The following ZNF804B variants were observed in gnomAD, a reference collection of about 807,000 sequenced individuals.
ZNF804B encodes zinc finger 804B.
ZNF804B carries 80 observed loss-of-function variants against 101.4 expected under a neutral mutation model. The observed-to-expected ratio is 0.79, with a 90% CI of 0.66 to 0.95. The LOEUF (loss-of-function observed/expected upper bound fraction) is 0.95. Ranked by LOEUF, ZNF804B falls within the 40% of genes least tolerant of loss-of-function variation. The probability of loss-of-function intolerance (pLI) is 0.00; values close to 1 mark genes in which losing one functional copy is unlikely to be tolerated. For synonymous variants in ZNF804B, 622 were observed against 558.8 expected (o/e 1.11, Z -1.59); for missense variants, 1,673 against 1,561.9 (o/e 1.07, Z -1.20).
chr7:88,897,848 G>C (rs191567559), intron 1 of ZNF804B, among the ~76,000 whole-genome samples: 407 of 151,322 alleles, frequency 2.7e-3, no homozygotes, highest in African/African-American at 9.4e-3. Flanking sequence ...TTAGTTAACA[G>C]CTTGGGGGAA....
At chr7:88,842,150 A>G (rs144807392) in intron 1 of ZNF804B, among the ~76,000 whole-genome samples, 68 of 152,292 alleles carry the variant, frequency 4.5e-4, no homozygotes, top group Non-Finnish European at 8.2e-4. Context: ...AAATCAAATA[A>G]AAGTTTGTAT....
At chr7:88,886,345 A>G (rs1244718596) in intron 1 of ZNF804B, among the ~76,000 whole-genome samples, 1 of 152,036 alleles carries the variant, frequency 6.6e-6, no homozygotes, top group African/African-American at 2.4e-5. Flanking sequence ...AAAGATAACT[A>G]TTGTGTATTG....
chr7:89,044,973 C>T (rs1194918983), intron 1 of ZNF804B, among the ~76,000 whole-genome samples: 2 of 152,152 alleles, frequency 1.3e-5, no homozygotes, highest in African/African-American at 4.8e-5. Context: ...TCACAGTAGC[C>T]CCATCCATCA....
chr7:89,061,128 T>C (rs894039773), intron 1 of ZNF804B, among the ~76,000 whole-genome samples: 1 of 152,156 alleles, frequency 6.6e-6, no homozygotes, highest in Non-Finnish European at 1.5e-5. Flanking sequence ...CTGTTGTTAG[T>C]ATACCTGAAT....
chr7:88,831,054 TTAAAA>T (rs1791124890), intron 1 of ZNF804B, among the ~76,000 whole-genome samples: 1 of 152,004 alleles, frequency 6.6e-6, no homozygotes, highest in Non-Finnish European at 1.5e-5. Flanking sequence ...AACAGTTGTG[TTAAAA>T]TATAGTTCAT....
At chr7:88,938,888 G>T (rs1178402558) in intron 1 of ZNF804B, among the ~76,000 whole-genome samples, 2 of 151,270 alleles carry the variant, frequency 1.3e-5, no homozygotes, top group Non-Finnish European at 3.0e-5. Flanking sequence ...ATTTCAGAAA[G>T]AAGTTAATTA....
At chr7:88,864,190 T>C (rs1296097822) in intron 1 of ZNF804B, among the ~76,000 whole-genome samples, 4 of 152,204 alleles carry the variant, frequency 2.6e-5, no homozygotes, top group Admixed American at 6.6e-5. Context: ...CTTCTAACAA[T>C]GTCTTGAGAG....
At chr7:88,841,173 A>G (rs1393654909) in intron 1 of ZNF804B, among the ~76,000 whole-genome samples, 1 of 152,206 alleles carries the variant, frequency 6.6e-6, no homozygotes, top group Non-Finnish European at 1.5e-5. Context: ...GGTTATTTAC[A>G]TCACACATAA....
At position 88,759,893 on chromosome 7, in the gene ZNF804B, C is replaced by A; in HGVS notation, c.-84C>A. The A allele has an allele frequency of 8.9e-7, 1 of 1,127,652 alleles. No homozygotes were observed. The highest frequency in any genetic ancestry group is 1.3e-6 in the Non-Finnish European group (1 of 746,458). 69.9% of individuals were successfully genotyped at this position (1,127,652 alleles called of 1,614,324 possible). ...GCGTCTTCTCGGGAGGTGGTAGTCG[C>A]TGTTGCCGCTGAGAAACCCGCCCGC... On this transcript the variant is annotated 5_prime_UTR_variant, in exon 1 of 4. In the 5' UTR this introduces an upstream ATG that the reference lacks. Transcript: ENST00000333190.
chr7:88,918,192 G>A (rs753451082), intron 1 of ZNF804B, among the ~76,000 whole-genome samples: 1 of 152,062 alleles, frequency 6.6e-6, no homozygotes, highest in South Asian at 2.1e-4. Flanking sequence ...TAAACAGTGA[G>A]CCTTAGATCT....
chr7:88,794,406 A>G (rs2115691288), intron 1 of ZNF804B: 1 of 1,613,820 alleles, frequency 6.2e-7, no homozygotes, highest in East Asian at 2.2e-5. Context: ...GTGACAGTTT[A>G]TGAGTTTGTG....
chr7:88,914,885 A>G (rs1409987186), intron 1 of ZNF804B, among the ~76,000 whole-genome samples: 2 of 152,208 alleles, frequency 1.3e-5, no homozygotes, highest in Non-Finnish European at 2.9e-5. Context: ...AGTAGAACAA[A>G]GTATTACCTT....
chr7:89,249,321 G>T (rs537375580), intron 2 of ZNF804B, among the ~76,000 whole-genome samples: 2 of 152,246 alleles, frequency 1.3e-5, no homozygotes, highest in East Asian at 3.9e-4. Context: ...ATCAACCACA[G>T]AATATACATT....
At chr7:88,814,999 G>C (rs1422973971) in intron 1 of ZNF804B, among the ~76,000 whole-genome samples, 1 of 149,458 alleles carries the variant, frequency 6.7e-6, no homozygotes, top group African/African-American at 2.4e-5. Context: ...AAATTTCTTG[G>C]TTTAAAAATA....
intron 1 of ZNF804B, among the ~76,000 whole-genome samples, chr7:89,002,746 C>T (rs1788307582): frequency 1.3e-5 from 2 of 151,678 alleles, no homozygotes. Flanking sequence ...TTCAAGCTGG[C>T]TCTATAAATA....
chr7:89,080,349 A>G (rs1411672865), intron 1 of ZNF804B, among the ~76,000 whole-genome samples: 3 of 151,940 alleles, frequency 2.0e-5, no homozygotes, highest in Non-Finnish European at 2.9e-5. Context: ...TTGTAGAAAC[A>G]TATTATAAAA....
chr7:88,950,733 T>C (rs976266879), intron 1 of ZNF804B, among the ~76,000 whole-genome samples: 2 of 151,894 alleles, frequency 1.3e-5, no homozygotes, highest in Admixed American at 1.3e-4. Context: ...TTACATTTGG[T>C]ATAAGGATCA....
In ZNF804B at chr7:89,236,065, G is replaced by A. The variant is rs1042856347; in HGVS notation, c.249+17770G>A. The stretch of plus-strand genomic sequence containing the variant: ...CACATCAAGTTATAATGCTTAGTAG[G>A]TGTAATAATATTTGTCAATGACCTC... On this transcript the variant is annotated intron_variant, in intron 2 of 3. Coordinates refer to ENST00000333190, the MANE Select transcript of ZNF804B (RefSeq NM_181646.5). Among the ~76,000 whole-genome samples, 3 of 152,026 alleles carry A rather than the reference G, an allele frequency of 2.0e-5. No homozygotes were observed. The East Asian group carries it at 5.8e-4, about 29-fold the overall frequency.
intron 1 of ZNF804B, among the ~76,000 whole-genome samples, chr7:88,852,743 T>G (rs1373465373): frequency 6.6e-6 from 1 of 152,136 alleles, no homozygotes; most frequent in Non-Finnish European, 1.5e-5. Flanking sequence ...ACATTTTATT[T>G]TTGCAGGTGA....
Sources: allele counts gnomAD v4.1 joint callset (sites outside exome capture counted in the v4.1 genomes callset), GRCh38; gene constraint gnomAD v4.1.1; transcripts MANE v1.5; gene names NCBI Gene and HGNC (gene_info 2026-07-23, HGNC 2026-07-21).